LPA: variants seen among roughly 807,000 people sequenced by gnomAD.
LPA encodes the protein lipoprotein(a).
LPA carries 199 observed loss-of-function variants against 197.9 expected under a neutral mutation model. The ratio of observed to expected loss-of-function variants is 1.01; its 90% CI spans 0.90 to 1.13. The LOEUF is 1.13. LPA is among the 50% of genes most tolerant of loss of function. LPA has a pLI of 0.00. For missense variants in LPA, 1,853 were observed against 1,785.8 expected (o/e 1.04, Z -0.68); for synonymous variants, 715 against 639.5 (o/e 1.12, Z -1.78).
rs752757407 is a variant in LPA, at chr6:160,605,078, C to A, written c.2913G>T (p.Ser971=). Residue 971 remains serine (S), a synonymous_variant, in exon 18 of 39, where the codon TCG becomes TCT. Coordinates refer to ENST00000316300, the MANE Select transcript of LPA (RefSeq NM_005577.4). ...GGTAGTATGCTGGGGTCCGACTATG[C>A]GAGTGTGGTGTCATAGATGACCAAG... is the stretch of plus-strand genomic sequence containing the variant. ...CQAWSSMTPH[S]HSRTPAYYPN... is the part of the protein sequence containing the mutation. 14 of 1,613,676 alleles carry A rather than the reference C, an allele frequency of 8.7e-6. No individual in the cohort carries two copies. In the Admixed American group the frequency reaches 2.3e-4, roughly 27 times the overall value.
chr6:160,609,141 T>A (rs908167129), intron 16 of LPA, among the ~76,000 whole-genome samples: 3 of 152,126 alleles, frequency 2.0e-5, no homozygotes, highest in African/African-American at 7.3e-5. Context: ...TTCATGCAAT[T>A]CTTCTATTCT....
At chr6:160,538,861 C>T (rs1221925103) in intron 36 of LPA, among the ~76,000 whole-genome samples, 1 of 152,160 alleles carries the variant, frequency 6.6e-6, no homozygotes, top group East Asian at 1.9e-4. Flanking sequence ...TCCAAAACCC[C>T]ACATTTCCTA....
At chr6:160,603,356 G>C (rs1402190300) in intron 18 of LPA, among the ~76,000 whole-genome samples, 10 of 151,578 alleles carry the variant, frequency 6.6e-5, no homozygotes, top group African/African-American at 2.2e-4. Flanking sequence ...GTATAAAATT[G>C]TTTTTCAGTT....
intron 1 of LPA, among the ~76,000 whole-genome samples, chr6:160,662,564 GC>G (rs1780244754): frequency 6.6e-6 from 1 of 152,096 alleles, no homozygotes; most frequent in African/African-American, 2.4e-5. Context: ...GTTTGTTCTA[GC>G]CTTTGGGTGT....
intron 36 of LPA, among the ~76,000 whole-genome samples, chr6:160,539,782 G>T (rs1314759931): frequency 1.3e-5 from 2 of 152,184 alleles, no homozygotes; most frequent in African/African-American, 4.8e-5. Flanking sequence ...TGGATGAACT[G>T]GTGAACATTA....
chr6:160,657,707 C>A (rs1780155606), intron 1 of LPA, among the ~76,000 whole-genome samples: 1 of 152,112 alleles, frequency 6.6e-6, no homozygotes, highest in Non-Finnish European at 1.5e-5. Context: ...CTATCAGAAC[C>A]TTTTCTAAGT....
At chr6:160,558,175 T>C (rs183171572) in intron 28 of LPA, among the ~76,000 whole-genome samples, 101 of 152,238 alleles carry the variant, frequency 6.6e-4, no homozygotes, top group Admixed American at 6.0e-3. Context: ...CACCTCGGCC[T>C]CCCAAAGTGC....
intron 1 of LPA, among the ~76,000 whole-genome samples, chr6:160,654,906 C>T (rs1780105678): frequency 1.3e-5 from 2 of 152,180 alleles, no homozygotes; most frequent in Non-Finnish European, 2.9e-5. Context: ...TTAGTCTTCC[C>T]TTCCTCTGTC....
At chr6:160,611,035 C>T (rs1779496077) in intron 16 of LPA, among the ~76,000 whole-genome samples, 1 of 152,122 alleles carries the variant, frequency 6.6e-6, no homozygotes. Flanking sequence ...CTTGGATCTT[C>T]TCTTGCTGGG....
Position 160,531,552 on chromosome 6 carries a change from G to A in LPA, c.*177C>T, listed in dbSNP as rs1583560176. The A allele has an allele frequency of 1.4e-6, 1 of 711,520 alleles. No individual in the cohort carries two copies. Among genetic ancestry groups the A allele is most frequent in the East Asian group, 2.7e-5 (1 of 36,722 alleles). 44.1% of individuals were successfully genotyped at this position (711,520 alleles called of 1,614,324 possible). A position where few individuals can be genotyped will look rare whatever the true frequency, so the allele number is the denominator to read the frequency against. On this transcript the variant is annotated 3_prime_UTR_variant, in exon 39 of 39. Coordinates refer to ENST00000316300, the MANE Select transcript of LPA (RefSeq NM_005577.4). ...GCTATGACACCTTAATACAGAATTT[G>A]TCAGTCAGACCTTAAAAGCTTATAC...
In LPA at chr6:160,589,622, C is replaced by T. The variant is rs778176623; in HGVS notation, c.3878G>A (p.Arg1293Lys). The T allele has an allele frequency of 6.2e-6, 10 of 1,613,830 alleles. No homozygotes were observed. Among genetic ancestry groups the T allele is most frequent in the South Asian group, 2.2e-5 (2 of 91,082 alleles). The change falls in exon 24 of 39, where the codon AGG (arginine) becomes AAG (lysine). Residue 1293 changes from arginine to lysine, a missense_variant. Around this residue, in one of 3 missense-constraint regions of LPA, gnomAD observed 1,737 missense variants for 1,504.4 expected, o/e 1.15. Transcript: ENST00000316300. ...RGSFSTTVTG[R>K]TCQSWSSMTP... ...CATAGAGGACCAAGACTGACATGTCCTTCCTGTAACAGTGGTGGAGAATGA... is the reference window on the plus strand; with the variant it reads ...CATAGAGGACCAAGACTGACATGTCTTTCCTGTAACAGTGGTGGAGAATGA...
chr6:160,539,528 G>A (rs112820619), intron 36 of LPA, among the ~76,000 whole-genome samples: 12 of 150,494 alleles, frequency 8.0e-5, no homozygotes, highest in African/African-American at 2.9e-4. Context: ...GTCTTGATCT[G>A]TCACCCAGCC....
intron 31 of LPA, 45 bp from the exon 32 acceptor site, chr6:160,547,982 G>A: frequency 6.2e-7 from 1 of 1,603,284 alleles, no homozygotes; most frequent in Non-Finnish European, 8.5e-7. Flanking sequence ...CAGACAGCCA[G>A]GCAGCCACAT....
Position 160,606,464 on chromosome 6 carries a change from A to G in LPA, c.2785+13T>C, listed in dbSNP as rs775396578. 4 of 1,613,270 alleles carry G rather than the reference A, an allele frequency of 2.5e-6. No homozygotes were observed. In the East Asian group the frequency reaches 6.7e-5, roughly 27 times the overall value. On this transcript the variant is annotated intron_variant, in intron 17 of 38. Coordinates refer to ENST00000316300, the MANE Select transcript of LPA (RefSeq NM_005577.4). The stretch of plus-strand genomic sequence containing the variant: ...CATCGAAACGTGTAGGTTTCTGGCC[A>G]CAGGCTCCTTACCTTGTTCAGAAGG...
rs146831935 is a variant in LPA, at chr6:160,546,816, C to T, written c.5304+973G>A. On this transcript the variant is annotated intron_variant, in intron 32 of 38. Coordinates refer to ENST00000316300, the MANE Select transcript of LPA (RefSeq NM_005577.4). ...GGGTGTGAGAGTGGGGGAACACAGA[C>T]ACTTTGGTTTTTCCTATATCTCAGT... Among the ~76,000 whole-genome samples, 471 of 152,294 alleles carry T rather than the reference C, an allele frequency of 3.1e-3. 3 individuals are homozygous for T. The highest frequency in any genetic ancestry group is 0.011 in the African/African-American group (451 of 41,562).
intron 28 of LPA, among the ~76,000 whole-genome samples, chr6:160,559,726 A>G (rs1334040831): frequency 6.6e-6 from 1 of 152,174 alleles, no homozygotes; most frequent in Admixed American, 6.5e-5. Context: ...GTGAGTCCTT[A>G]TGTCTTAAAT....
intron 28 of LPA, among the ~76,000 whole-genome samples, 192 bp from the exon 29 acceptor site, chr6:160,557,763 T>C (rs1778290340): frequency 6.6e-6 from 1 of 152,146 alleles, no homozygotes; most frequent in South Asian, 2.1e-4. Flanking sequence ...CCAAGATAGA[T>C]TATAATTTTT....
chr6:160,593,548 T>C (rs568170683), intron 22 of LPA, among the ~76,000 whole-genome samples: 1 of 152,288 alleles, frequency 6.6e-6, no homozygotes, highest in East Asian at 1.9e-4. Flanking sequence ...GATGTCAACA[T>C]AGATATCCTT....
intron 28 of LPA, among the ~76,000 whole-genome samples, chr6:160,562,709 G>T (rs1052037460): frequency 1.8e-3 from 273 of 152,134 alleles, no homozygotes; most frequent in African/African-American, 6.4e-3. Context: ...GGCTTTTTTT[G>T]GTTGGTAAGC....
Sources: allele counts gnomAD v4.1 joint callset (sites outside exome capture counted in the v4.1 genomes callset), GRCh38; gene constraint gnomAD v4.1.1; regional missense constraint gnomAD v4.1.1; transcripts MANE v1.5; gene names NCBI Gene and HGNC (gene_info 2026-07-23, HGNC 2026-07-21).